Variants in NUCKS1 observed in about 807,000 individuals in gnomAD.
NUCKS1 encodes the protein nuclear casein kinase and cyclin dependent kinase substrate 1, also known as nuclear ubiquitous casein and cyclin-dependent kinase substrate 1.
Under a neutral mutation model 33.0 loss-of-function variants are expected in NUCKS1, and 2 were observed. That is an observed-to-expected ratio of 0.06 (90% CI 0.02 to 0.19). The LOEUF (loss-of-function observed/expected upper bound fraction) is 0.19, where lower values mean the gene tolerates loss of function less well. Among genes scored for constraint, NUCKS1 ranks in the 10% least tolerant of loss-of-function variants. The probability of loss-of-function intolerance (pLI) is 1.00; values close to 1 mark genes in which losing one functional copy is unlikely to be tolerated. For missense variants in NUCKS1, 201 were observed against 293.6 expected (o/e 0.68, Z 2.31); for synonymous variants, 106 against 102.8 (o/e 1.03, Z -0.19).
chr1:205,746,445 T>A (rs199882740), intron 1 of NUCKS1, among the ~76,000 whole-genome samples: 26,008 of 84,240 alleles, frequency 0.31, 3,094 homozygotes, highest in Non-Finnish European at 0.48. Context: ...CTTCTCTCTC[T>A]CTCTCTCTCA....
rs376851129 is a variant in NUCKS1, at chr1:205,742,647, A to T, written c.17+7310T>A. On this transcript the variant is annotated intron_variant, in intron 1 of 6. Transcript: ENST00000367142. Reference sequence around the variant, plus strand: ...AGACCATCCTGGCCAACACGGTGAAACCCCGTCTCTACTAAAAATACTAAA... The same window carrying T: ...AGACCATCCTGGCCAACACGGTGAATCCCCGTCTCTACTAAAAATACTAAA... Among the ~76,000 whole-genome samples the T allele has an allele frequency of 4.9e-4, 75 of 151,950 alleles. 2 individuals carry two copies. In the South Asian group the frequency reaches 0.015, roughly 31 times the overall value.
At chr1:205,719,430 G>A in intron 6 of NUCKS1, 97 bp downstream of exon 6, 1 of 1,250,700 alleles carries the variant, frequency 8.0e-7, no homozygotes, top group South Asian at 1.5e-5. Context: ...TAAACATCAG[G>A]CCAATGCCAA....
At position 205,717,799 on chromosome 1, in the gene NUCKS1, A is replaced by T. The variant is rs1248622489; in HGVS notation, c.*481T>A. On this transcript the variant is annotated 3_prime_UTR_variant, in exon 7 of 7. Coordinates refer to ENST00000367142, the MANE Select transcript of NUCKS1 (RefSeq NM_022731.5). Reference sequence around the variant, plus strand: ...CATATTAGATGACAATTGATTTTTTAAAAGTCCAGGTAGAGAAAGGAGCAA... The same window carrying T: ...CATATTAGATGACAATTGATTTTTTTAAAGTCCAGGTAGAGAAAGGAGCAA... 2.0e-6 allele frequency: 2 copies of T among 985,222 alleles called. No homozygotes were observed. Among genetic ancestry groups the T allele is most frequent in the African/African-American group, 3.5e-5 (2 of 57,228 alleles). The allele number at this position is 985,222 out of a possible 1,614,324, so 61.0% of individuals were successfully genotyped here.
intron 1 of NUCKS1, among the ~76,000 whole-genome samples, chr1:205,731,830 C>T (rs1213400519): frequency 2.7e-5 from 4 of 150,702 alleles, no homozygotes; most frequent in Non-Finnish European, 5.9e-5. Flanking sequence ...AGGCAGAGCT[C>T]GCAGTGAGTG....
intron 3 of NUCKS1, among the ~76,000 whole-genome samples, chr1:205,726,351 A>G (rs950891037): frequency 2.0e-5 from 3 of 152,250 alleles, no homozygotes; most frequent in African/African-American, 7.2e-5. Context: ...GCCCATCTCT[A>G]TTAAAAACAA....
intron 1 of NUCKS1, among the ~76,000 whole-genome samples, chr1:205,743,158 T>C (rs534829942): frequency 6.6e-6 from 1 of 152,312 alleles, no homozygotes; most frequent in Non-Finnish European, 1.5e-5. Flanking sequence ...GTATGGTGAC[T>C]GTTACATTTT....
chr1:205,731,721 C>T (rs1653917747), intron 1 of NUCKS1, among the ~76,000 whole-genome samples: 5 of 152,080 alleles, frequency 3.3e-5, no homozygotes, highest in Admixed American at 3.3e-4. Context: ...GAAACCCCGT[C>T]TCCACTAAAA....
At chr1:205,725,411 A>G (rs573633298) in intron 3 of NUCKS1, among the ~76,000 whole-genome samples, 7 of 152,348 alleles carry the variant, frequency 4.6e-5, no homozygotes, top group African/African-American at 1.7e-4. Flanking sequence ...TACTGAACCC[A>G]TGATTCCTAA....
At position 205,717,622 on chromosome 1, in the gene NUCKS1, AC is replaced by A; in HGVS notation, c.*657del. The A allele has an allele frequency of 1.0e-6, 1 of 985,272 alleles. No homozygotes were observed. Among genetic ancestry groups the A allele is most frequent in the Non-Finnish European group, 1.2e-6 (1 of 829,968 alleles). 61.0% of individuals were successfully genotyped at this position (985,272 alleles called of 1,614,324 possible). A position where few individuals can be genotyped will look rare whatever the true frequency, so the allele number is the denominator to read the frequency against. On this transcript the variant is annotated 3_prime_UTR_variant, in exon 7 of 7. Coordinates refer to ENST00000367142, the MANE Select transcript of NUCKS1 (RefSeq NM_022731.5). ...CCATACCCTCAAATAAGGTCAGGTA[AC>A]CCCATTGCCCACCCTCCCTACAAGG...
rs777990145 is a variant in NUCKS1, at chr1:205,749,930, G to A, written c.17+27C>T. ...ACTCGCCCCCATCCCCCTCCAACCCGCTCCAGGCCTCAGACTCCGCACTGA... is the reference window on the plus strand; with the variant it reads ...ACTCGCCCCCATCCCCCTCCAACCCACTCCAGGCCTCAGACTCCGCACTGA... On this transcript the variant is annotated intron_variant, in intron 1 of 6. Transcript: ENST00000367142. 19 of 1,511,810 alleles carry A rather than the reference G, an allele frequency of 1.3e-5. 1 individual carries two copies. In the South Asian group the frequency reaches 2.4e-4, roughly 19 times the overall value. 93.6% of individuals were successfully genotyped at this position (1,511,810 alleles called of 1,614,324 possible).
rs148498289 is a variant in NUCKS1 at position 205,724,701 on chromosome 1, C to A, written c.174-720G>T. ...AGAGCAAGACTCCATCCCCACCCCCCCCAAAAAAAGGAATTGTAGTTCAGT... is the reference window on the plus strand; with the variant it reads ...AGAGCAAGACTCCATCCCCACCCCCACCAAAAAAAGGAATTGTAGTTCAGT... On this transcript the variant is annotated intron_variant, in intron 3 of 6. Coordinates refer to ENST00000367142, the MANE Select transcript of NUCKS1 (RefSeq NM_022731.5). Among the ~76,000 whole-genome samples, 322 of 151,702 alleles carry A rather than the reference C, an allele frequency of 2.1e-3. 1 individual carries two copies. Among genetic ancestry groups the A allele is most frequent in the Non-Finnish European group, 3.8e-3 (257 of 67,862 alleles).
intron 1 of NUCKS1, among the ~76,000 whole-genome samples, chr1:205,739,925 G>A (rs1456068356): frequency 6.7e-6 from 1 of 148,656 alleles, no homozygotes; most frequent in Non-Finnish European, 1.5e-5. Flanking sequence ...CATTTATCTT[G>A]ACCTTCAAGT....
intron 1 of NUCKS1, among the ~76,000 whole-genome samples, chr1:205,741,238 T>G (rs931967816): frequency 7.1e-6 from 1 of 140,002 alleles, no homozygotes; most frequent in African/African-American, 2.7e-5. Flanking sequence ...AGGCGGAGCT[T>G]GCAGTGAGCC....
At position 205,721,061 on chromosome 1, in the gene NUCKS1, G is replaced by A. The variant is rs577163926; in HGVS notation, c.230-408C>T. 5.4e-5 allele frequency among the ~76,000 whole-genome samples: 8 copies of A among 148,172 alleles called. No individual in the cohort carries two copies. In the East Asian group the frequency reaches 1.7e-3, roughly 31 times the overall value. On this transcript the variant is annotated intron_variant, in intron 4 of 6. Transcript: ENST00000367142. ...CGCTTATAAGTGGGAGCTGAACAAT[G>A]AGAACACATGGACACAGGGAGGGGA... is the stretch of plus-strand genomic sequence containing the variant.
intron 1 of NUCKS1, among the ~76,000 whole-genome samples, chr1:205,730,540 G>A (rs1307227568): frequency 1.3e-5 from 2 of 151,106 alleles, no homozygotes; most frequent in Non-Finnish European, 2.9e-5. Flanking sequence ...CCAGGCTAGA[G>A]TGCAATGGCG....
intron 3 of NUCKS1, among the ~76,000 whole-genome samples, chr1:205,725,773 A>G (rs1045768976): frequency 3.3e-5 from 5 of 152,232 alleles, no homozygotes; most frequent in Non-Finnish European, 5.9e-5. Flanking sequence ...AAATCAAATG[A>G]CTGCAACAAG....
At chr1:205,749,246 G>T (rs1483148633) in intron 1 of NUCKS1, among the ~76,000 whole-genome samples, 2 of 152,192 alleles carry the variant, frequency 1.3e-5, no homozygotes, top group African/African-American at 4.8e-5. Context: ...CGAACTTTGG[G>T]GTTAACTCTC....
intron 1 of NUCKS1, among the ~76,000 whole-genome samples, chr1:205,732,793 A>AAAAAAAAAAAAAAAAAAAT (rs1653947079): frequency 6.7e-6 from 1 of 150,230 alleles, no homozygotes; most frequent in Non-Finnish European, 1.5e-5. Context: ...AAAAAAAAAA[A>AAAAAAAAAAAAAAAAAAAT]AAGTTAAGAT....
At chr1:205,720,685 T>A (rs1671903480) in intron 4 of NUCKS1, 32 bp from the exon 5 acceptor site, 1 of 1,561,210 alleles carries the variant, frequency 6.4e-7, no homozygotes, top group Non-Finnish European at 8.7e-7. Flanking sequence ...GATATAATGA[T>A]TAAAGAATTT....
Sources: allele counts gnomAD v4.1 joint callset (sites outside exome capture counted in the v4.1 genomes callset), GRCh38; gene constraint gnomAD v4.1.1; transcripts MANE v1.5; gene names NCBI Gene and HGNC (gene_info 2026-07-23, HGNC 2026-07-21).